FSTL4: variants seen among roughly 807,000 people sequenced by gnomAD.
FSTL4 encodes follistatin like 4, also known as follistatin-related protein 4.
Under a neutral mutation model 78.2 loss-of-function variants are expected in FSTL4, and 28 were observed. The observed-to-expected ratio is 0.36, with a 90% CI of 0.27 to 0.49. The LOEUF (loss-of-function observed/expected upper bound fraction) is 0.49, where lower values mean the gene tolerates loss of function less well. Ranked by LOEUF, FSTL4 falls within the 20% of genes least tolerant of loss-of-function variation. The pLI is 0.98. For missense variants in FSTL4, 922 were observed against 1,084.9 expected, an observed-to-expected ratio of 0.85 and a Z score of 2.11; for synonymous variants, 422 against 440.5, an observed-to-expected ratio of 0.96 and a Z score of 0.53.
intron 3 of FSTL4, among the ~76,000 whole-genome samples, chr5:133,427,265 G>A (rs534021314): frequency 6.6e-6 from 1 of 152,210 alleles, no homozygotes; most frequent in Non-Finnish European, 1.5e-5. Context: ...AGCACAGTGT[G>A]GGCCACCAGA....
Position 133,224,170 on chromosome 5 carries a change from A to C in FSTL4, c.1339+20T>G. 2 of 1,608,214 alleles carry C rather than the reference A, an allele frequency of 1.2e-6. No homozygotes were observed. The highest frequency in any genetic ancestry group is 1.7e-6 in the Non-Finnish European group (2 of 1,174,972). On this transcript the variant is annotated intron_variant, in intron 11 of 15. Coordinates refer to ENST00000265342, the MANE Select transcript of FSTL4 (RefSeq NM_015082.2). The stretch of plus-strand genomic sequence containing the variant: ...ACACACGTGATCACAGGCATGACGC[A>C]AAACAATGAAGCTTGGTACCTTCCT...
chr5:133,839,218 C>T, the FSTL4 span, among the ~76,000 whole-genome samples: 5 of 152,204 alleles, frequency 3.3e-5, no homozygotes, highest in Non-Finnish European at 7.3e-5. Context: ...GAGTCTCCTG[C>T]TGCCCCACTC....
At chr5:133,362,896 A>G (rs1038654677) in intron 4 of FSTL4, among the ~76,000 whole-genome samples, 2 of 152,142 alleles carry the variant, frequency 1.3e-5, no homozygotes, top group African/African-American at 4.8e-5. Flanking sequence ...TAAATCACTC[A>G]TTTTAAAATT....
At chr5:133,608,080 T>C (rs1761013688) in intron 1 of FSTL4, among the ~76,000 whole-genome samples, 1 of 152,196 alleles carries the variant, frequency 6.6e-6, no homozygotes, top group Non-Finnish European at 1.5e-5. Context: ...GGCCTTCAGA[T>C]AGAGGCAAAT....
At chr5:133,530,383 C>T (rs1759226738) in intron 3 of FSTL4, among the ~76,000 whole-genome samples, 1 of 152,212 alleles carries the variant, frequency 6.6e-6, no homozygotes, top group Admixed American at 6.5e-5. Flanking sequence ...AGGTGCCCAC[C>T]TCAGCACCTT....
the FSTL4 span, among the ~76,000 whole-genome samples, chr5:133,621,075 C>T: frequency 6.6e-6 from 1 of 152,152 alleles, no homozygotes; most frequent in African/African-American, 2.4e-5. Flanking sequence ...ATATACACGA[C>T]AGAATACTAC....
the FSTL4 span, among the ~76,000 whole-genome samples, chr5:133,740,938 T>A: frequency 7.3e-5 from 4 of 55,058 alleles, no homozygotes; most frequent in African/African-American, 2.2e-4. Context: ...AGCCTCTGGA[T>A]GGATGGATGG....
intron 3 of FSTL4, among the ~76,000 whole-genome samples, chr5:133,494,368 A>G (rs1439649605): frequency 1.4e-5 from 2 of 141,176 alleles, no homozygotes; most frequent in Non-Finnish European, 3.1e-5. Context: ...TTTTTTTTTT[A>G]CAACACTGTG....
At chr5:133,678,266 T>C in the FSTL4 span, among the ~76,000 whole-genome samples, 1 of 152,110 alleles carries the variant, frequency 6.6e-6, no homozygotes, top group Non-Finnish European at 1.5e-5. Context: ...GAGAACAAAC[T>C]CTAGGGAGAC....
At chr5:133,822,453 T>C in the FSTL4 span, among the ~76,000 whole-genome samples, 1 of 152,192 alleles carries the variant, frequency 6.6e-6, no homozygotes, top group Non-Finnish European at 1.5e-5. Flanking sequence ...CATTCATTCA[T>C]TCAAAATTGC....
intron 4 of FSTL4, among the ~76,000 whole-genome samples, chr5:133,378,854 CAG>C (rs1324162865): frequency 6.6e-6 from 1 of 151,810 alleles, no homozygotes; most frequent in African/African-American, 2.4e-5. Flanking sequence ...GAGGGAGAAA[CAG>C]AGGAATAAAT....
chr5:133,598,390 A>G (rs1760785100), intron 2 of FSTL4, among the ~76,000 whole-genome samples: 1 of 152,022 alleles, frequency 6.6e-6, no homozygotes, highest in African/African-American at 2.4e-5. Flanking sequence ...AGCACATTGC[A>G]TCTCAAGAGG....
rs30488 is a variant in FSTL4, at chr5:133,558,971, A to T, written c.160+8215T>A. Among the ~76,000 whole-genome samples, 488 of 152,194 alleles carry T rather than the reference A, an allele frequency of 3.2e-3. 6 individuals carry two copies. The highest frequency in any genetic ancestry group is 0.014 in the Middle Eastern group (4 of 294). On this transcript the variant is annotated intron_variant, in intron 3 of 15. Transcript: ENST00000265342. ...TTATTTCCAGTCCTGGCTCTGCTCC[A>T]GCTGAAGCAGAGAGATTAAAGATTT... is the stretch of plus-strand genomic sequence containing the variant.
chr5:133,360,654 T>C lies in FSTL4; in HGVS notation c.409+40084A>G, dbSNP rs558788167. Among the ~76,000 whole-genome samples the C allele has an allele frequency of 4.6e-5, 7 of 152,270 alleles. No homozygotes were observed. The South Asian group carries it at 8.3e-4, about 18-fold the overall frequency. The stretch of plus-strand genomic sequence containing the variant: ...AACAAGAGATGACACATTTAAAAAG[T>C]AAACTTTTTATATTGTCCAATTATG... On this transcript the variant is annotated intron_variant, in intron 4 of 15. Coordinates refer to ENST00000265342, the MANE Select transcript of FSTL4 (RefSeq NM_015082.2).
chr5:133,388,911 T>A (rs183068728), intron 4 of FSTL4, among the ~76,000 whole-genome samples: 20 of 152,350 alleles, frequency 1.3e-4, no homozygotes, highest in Admixed American at 1.2e-3. Flanking sequence ...TTCCCTGTAT[T>A]GGAACAACTA....
the FSTL4 span, among the ~76,000 whole-genome samples, chr5:133,761,301 C>T: frequency 6.6e-6 from 1 of 152,154 alleles, no homozygotes; most frequent in Non-Finnish European, 1.5e-5. Context: ...ATGTTCTCTG[C>T]TGTTACTGTG....
chr5:133,773,099 A>G, the FSTL4 span, among the ~76,000 whole-genome samples: 1 of 152,124 alleles, frequency 6.6e-6, no homozygotes, highest in East Asian at 1.9e-4. Context: ...AATGCTATTT[A>G]TGGGAAAAAA....
chr5:133,747,034 G>C, the FSTL4 span, among the ~76,000 whole-genome samples: 1 of 152,190 alleles, frequency 6.6e-6, no homozygotes, highest in Non-Finnish European at 1.5e-5. Flanking sequence ...GCACTGTGAG[G>C]GGAGATGAGA....
intron 2 of FSTL4, among the ~76,000 whole-genome samples, chr5:133,601,205 C>T (rs1257975910): frequency 6.6e-6 from 1 of 152,196 alleles, no homozygotes; most frequent in African/African-American, 2.4e-5. Flanking sequence ...ATTTTGGAAG[C>T]ACCAGAGTGA....
Sources: gnomAD v4.1 joint callset for allele counts (sites outside exome capture counted in the v4.1 genomes callset) on GRCh38, gnomAD v4.1.1 for gene constraint, MANE v1.5 for transcripts, NCBI Gene and HGNC (gene_info 2026-07-23, HGNC 2026-07-21) for gene names.